The following RIMS2 variants were observed in gnomAD, a reference collection of about 807,000 sequenced individuals.
The protein encoded by RIMS2 is regulating synaptic membrane exocytosis protein 2.
In RIMS2, 59 loss-of-function variants were observed where a neutral mutation model predicts 174.4. That is an observed-to-expected ratio of 0.34 (90% CI 0.27 to 0.42). RIMS2 has a LOEUF of 0.42. RIMS2 is among the 10% of genes least tolerant of loss of function. The pLI is 1.00. For synonymous variants in RIMS2, 606 were observed against 572.5 expected (o/e 1.06, Z -0.84); for missense variants, 1,620 against 1,666.3 (o/e 0.97, Z 0.48).
intron 1 of RIMS2, among the ~76,000 whole-genome samples, chr8:103,588,033 G>A (rs1372370741): frequency 6.6e-6 from 1 of 151,804 alleles, no homozygotes; most frequent in East Asian, 1.9e-4. Flanking sequence ...ACGACTATTA[G>A]AACTAATAAA....
intron 19 of RIMS2, among the ~76,000 whole-genome samples, chr8:104,133,307 G>A (rs1303818969): frequency 6.6e-6 from 1 of 152,142 alleles, no homozygotes; most frequent in Non-Finnish European, 1.5e-5. Flanking sequence ...AAAGAGAAAG[G>A]CAGAGACCAG....
chr8:104,209,191 A>C (rs1563766055), intron 19 of RIMS2, among the ~76,000 whole-genome samples: 1 of 152,236 alleles, frequency 6.6e-6, no homozygotes, highest in East Asian at 1.9e-4. Context: ...AAAATATAGC[A>C]GGCAGAATTA....
intron 17 of RIMS2, among the ~76,000 whole-genome samples, chr8:104,011,265 T>C (rs2095753529): frequency 6.6e-6 from 1 of 152,176 alleles, no homozygotes; most frequent in African/African-American, 2.4e-5. Context: ...TCCCCTTAAC[T>C]GTGTTGGGAC....
intron 19 of RIMS2, among the ~76,000 whole-genome samples, chr8:104,073,991 G>C (rs1270566050): frequency 6.6e-6 from 1 of 152,134 alleles, no homozygotes; most frequent in Non-Finnish European, 1.5e-5. Flanking sequence ...AGTATGTTTG[G>C]TCAATTAAAA....
chr8:103,854,558 T>C (rs1178893977), intron 3 of RIMS2, among the ~76,000 whole-genome samples: 1 of 151,858 alleles, frequency 6.6e-6, no homozygotes, highest in Non-Finnish European at 1.5e-5. Flanking sequence ...TTGAGGGTTT[T>C]TTTTTTTAAT....
At chr8:103,608,923 C>G (rs565255093) in intron 1 of RIMS2, among the ~76,000 whole-genome samples, 33 of 152,324 alleles carry the variant, frequency 2.2e-4, no homozygotes, top group African/African-American at 7.0e-4. Flanking sequence ...CCTGGTACCT[C>G]AGATGGAAAT....
chr8:103,757,222 A>G (rs1341341948), intron 2 of RIMS2, among the ~76,000 whole-genome samples: 1 of 152,030 alleles, frequency 6.6e-6, no homozygotes, highest in Non-Finnish European at 1.5e-5. Context: ...AGGTTAAAGC[A>G]TTGCTAATTT....
intron 19 of RIMS2, among the ~76,000 whole-genome samples, chr8:104,039,206 G>GA (rs1406844760): frequency 1.3e-5 from 2 of 151,722 alleles, no homozygotes; most frequent in East Asian, 3.8e-4. Context: ...GCGTCACCAT[G>GA]AGAGAATTAT....
At chr8:104,039,284 A>G (rs2096569406) in intron 19 of RIMS2, among the ~76,000 whole-genome samples, 1 of 151,720 alleles carries the variant, frequency 6.6e-6, no homozygotes, top group African/African-American at 2.4e-5. Flanking sequence ...TAGTCCAAAG[A>G]AAATTGACCT....
At chr8:104,094,404 C>T in intron 19 of RIMS2, 1 of 577,746 alleles carries the variant, frequency 1.7e-6, no homozygotes, top group East Asian at 2.8e-5. Flanking sequence ...TGTTTAATTT[C>T]ATAAGTGTTT....
intron 19 of RIMS2, among the ~76,000 whole-genome samples, chr8:104,047,661 C>A (rs1210770721): frequency 3.3e-5 from 5 of 152,092 alleles, no homozygotes; most frequent in South Asian, 2.1e-4. Flanking sequence ...TACATGAAAA[C>A]TGAATTTTTA....
intron 3 of RIMS2, among the ~76,000 whole-genome samples, chr8:103,849,619 C>G (rs2098986711): frequency 6.6e-6 from 1 of 151,912 alleles, no homozygotes; most frequent in Non-Finnish European, 1.5e-5. Flanking sequence ...TGAACCATAC[C>G]TGGGGAGGGA....
rs535855952 is a variant in RIMS2, at chr8:104,022,531, G to T, written c.3334+7916G>T. Among the ~76,000 whole-genome samples, 3 of 152,130 alleles carry T rather than the reference G, an allele frequency of 2.0e-5. No homozygotes were observed. In the East Asian group the frequency reaches 5.8e-4, roughly 29 times the overall value. On this transcript the variant is annotated intron_variant, in intron 19 of 23. Coordinates refer to ENST00000504942, the Ensembl canonical transcript of RIMS2. ...TGAGTAGCTGGGATTACAGGTGCCT[G>T]CCACCACACCCAGCTAAGTTTTCTA...
At position 104,248,846 on chromosome 8, in the gene RIMS2, T is replaced by C. The variant is rs374131709; in HGVS notation, c.3589+33T>C. The C allele has an allele frequency of 1.0e-4, 110 of 1,074,858 alleles. No individual in the cohort carries two copies. In the African/African-American group the frequency reaches 1.3e-3, roughly 13 times the overall value. The allele number at this position is 1,074,858 out of a possible 1,614,324, so 66.6% of individuals were successfully genotyped here. ...TTTCTGCCACATGATTTCACTATTT[T>C]GTTTTAGATTGTTGAAAATGAAATT... On this transcript the variant is annotated intron_variant, in intron 21 of 23. Coordinates refer to ENST00000504942, the Ensembl canonical transcript of RIMS2.
chr8:103,961,127 G>A (rs773735991), exon 15 of RIMS2: 2 of 1,396,348 alleles, frequency 1.4e-6, no homozygotes, highest in Admixed American at 1.7e-5. Flanking sequence ...AATTGGTGTA[G>A]TATCAGGTAA....
At chr8:103,790,010 C>T (rs1164914170) in intron 3 of RIMS2, among the ~76,000 whole-genome samples, 3 of 152,186 alleles carry the variant, frequency 2.0e-5, no homozygotes, top group Non-Finnish European at 2.9e-5. Flanking sequence ...GATCCTCCTG[C>T]CTTGGCTTCC....
intron 19 of RIMS2, among the ~76,000 whole-genome samples, chr8:104,116,434 A>G (rs1456060420): frequency 6.6e-6 from 1 of 152,166 alleles, no homozygotes; most frequent in East Asian, 1.9e-4. Context: ...TATGTTTTCT[A>G]TTTTTTATAA....
chr8:103,646,816 A>T (rs1202681779), intron 1 of RIMS2, among the ~76,000 whole-genome samples: 1 of 152,114 alleles, frequency 6.6e-6, no homozygotes, highest in Non-Finnish European at 1.5e-5. Flanking sequence ...CTATTTGAAT[A>T]GCATTTATTT....
intron 3 of RIMS2, among the ~76,000 whole-genome samples, chr8:103,792,330 A>G (rs1271351643): frequency 6.6e-6 from 1 of 152,218 alleles, no homozygotes; most frequent in Non-Finnish European, 1.5e-5. Context: ...TACTGGATGC[A>G]TAACGAAATG....
Sources: gnomAD v4.1 joint callset for allele counts (sites outside exome capture counted in the v4.1 genomes callset) on GRCh38, gnomAD v4.1.1 for gene constraint, MANE v1.5 for transcripts, NCBI Gene and HGNC (gene_info 2026-07-23, HGNC 2026-07-21) for gene names.